Variants in EGLN1 observed in about 807,000 individuals in gnomAD.
EGLN1 encodes egl nine homolog 1.
Under a neutral mutation model 38.3 loss-of-function variants are expected in EGLN1, and 17 were observed. The observed-to-expected ratio is 0.44, with a 90% CI of 0.30 to 0.67. The LOEUF is 0.67. Among genes scored for constraint, EGLN1 ranks in the 30% least tolerant of loss-of-function variants. The pLI is 0.08. For synonymous variants in EGLN1, 283 were observed against 257.5 expected (o/e 1.10, Z -0.95); for missense variants, 477 against 603.3 (o/e 0.79, Z 2.19).
rs964497999 is a variant in EGLN1, at chr1:231,366,003, A to G, written c.*408T>C. The G allele has an allele frequency of 1.0e-5, 2 of 195,592 alleles. No homozygotes were observed. Among genetic ancestry groups the G allele is most frequent in the Non-Finnish European group, 2.1e-5 (2 of 94,262 alleles). The allele number at this position is 195,592 out of a possible 1,614,324, so 12.1% of individuals were successfully genotyped here. A position where few individuals can be genotyped will look rare whatever the true frequency, so the allele number is the denominator to read the frequency against. On this transcript the variant is annotated 3_prime_UTR_variant, in exon 5 of 5. Transcript: ENST00000366641. The stretch of plus-strand genomic sequence containing the variant: ...GGAATAATACTGTAATTTTTTCTCA[A>G]TTCAGTTTAGATAAATTGTACCTAA...
chr1:231,408,946 G>A (rs1688860037), intron 1 of EGLN1, among the ~76,000 whole-genome samples: 1 of 152,010 alleles, frequency 6.6e-6, no homozygotes, highest in African/African-American at 2.4e-5. Context: ...GGAACAGAAA[G>A]TATATGGTAG....
chr1:231,421,143 T>C lies in EGLN1; in HGVS notation c.746A>G (p.Lys249Arg), dbSNP rs752975669. 5 of 1,614,202 alleles carry C rather than the reference T, an allele frequency of 3.1e-6. No homozygotes were observed. Among genetic ancestry groups the C allele is most frequent in the East Asian group, 4.5e-5 (2 of 44,868 alleles). ...QLVSQKSDSS[K>R]DIRGDKITWI... ...GGTGATCTTATCGCCTCGGATGTCC[T>C]TGGACGAGTCACTCTTCTGGCTGAC... The change falls in exon 1 of 5, where the codon AAG becomes AGG. Residue 249 changes from lysine (K) to arginine (R), a missense_variant. Transcript: ENST00000366641. The surrounding 1 kb of genome is among the most constrained non-coding windows in gnomAD (Gnocchi z 5.5).
chr1:231,422,072 AAGCTCCGGCGC>A lies in EGLN1; in HGVS notation c.-195_-185del, dbSNP rs1193644184. ...CTCGGCCCGGCCGCTTCCGAGTCCT[AAGCTCCGGCGC>A]AGCGCCGGCAGCCGCCTCAGCGCCT... On this transcript the variant is annotated 5_prime_UTR_variant, in exon 1 of 5. Transcript: ENST00000366641. 1 of 531,470 alleles carries A rather than the reference AAGCTCCGGCGC, an allele frequency of 1.9e-6. No individual in the cohort carries two copies. The highest frequency in any genetic ancestry group is 2.0e-5 in the African/African-American group (1 of 49,282). The allele number at this position is 531,470 out of a possible 1,614,324, so 32.9% of individuals were successfully genotyped here. A position where few individuals can be genotyped will look rare whatever the true frequency, so the allele number is the denominator to read the frequency against.
At chr1:231,409,016 A>AG (rs139596905) in intron 1 of EGLN1, among the ~76,000 whole-genome samples, 1 of 110,808 alleles carries the variant, frequency 9.0e-6, no homozygotes, top group African/African-American at 4.2e-5. Context: ...ATACAAAAAG[A>AG]AAAAAAACAA....
chr1:231,384,767 T>C (rs999840394), intron 1 of EGLN1, among the ~76,000 whole-genome samples: 1 of 152,250 alleles, frequency 6.6e-6, no homozygotes, highest in African/African-American at 2.4e-5. Context: ...CACAGCCCAC[T>C]GCCTGTTTTT....
intron 1 of EGLN1, among the ~76,000 whole-genome samples, chr1:231,399,991 T>C (rs866396804): frequency 5.3e-5 from 8 of 152,168 alleles, no homozygotes; most frequent in South Asian, 2.1e-4. Flanking sequence ...TAAAGACAGA[T>C]AGTATCATCT....
chr1:231,374,612 G>A (rs1267455641), intron 1 of EGLN1, among the ~76,000 whole-genome samples: 1 of 151,772 alleles, frequency 6.6e-6, no homozygotes, highest in Non-Finnish European at 1.5e-5. Flanking sequence ...CAACCTCCTG[G>A]GCTCAGGTGA....
intron 1 of EGLN1, among the ~76,000 whole-genome samples, chr1:231,401,776 T>C (rs1164571966): frequency 6.6e-6 from 1 of 152,176 alleles, no homozygotes; most frequent in African/African-American, 2.4e-5. Flanking sequence ...TGAATAAAAA[T>C]ATTCAAGTCT....
chr1:231,413,220 C>T (rs1177892148), intron 1 of EGLN1, among the ~76,000 whole-genome samples: 2 of 152,048 alleles, frequency 1.3e-5, no homozygotes, highest in Non-Finnish European at 2.9e-5. Flanking sequence ...GGACTACAGG[C>T]GGATGTCATC....
intron 1 of EGLN1, among the ~76,000 whole-genome samples, chr1:231,377,778 G>C (rs539698637): frequency 5.3e-5 from 8 of 152,138 alleles, no homozygotes; most frequent in African/African-American, 1.9e-4. Context: ...AATTGGGAAT[G>C]AAGTGATATG....
chr1:231,403,410 A>G (rs1252592347), intron 1 of EGLN1, among the ~76,000 whole-genome samples: 1 of 152,084 alleles, frequency 6.6e-6, no homozygotes, highest in African/African-American at 2.4e-5. Flanking sequence ...GGAGCACTGT[A>G]TTATTTTTAT....
intron 1 of EGLN1, 88 bp downstream of exon 1, chr1:231,420,910 T>G: frequency 1.2e-6 from 2 of 1,611,334 alleles, no homozygotes; most frequent in Non-Finnish European, 1.7e-6. Context: ...AGAGGAATGC[T>G]GCTTCTCAGC....
chr1:231,386,475 C>A (rs1479877579), intron 1 of EGLN1, among the ~76,000 whole-genome samples: 4 of 152,356 alleles, frequency 2.6e-5, no homozygotes, highest in Admixed American at 1.3e-4. Context: ...TTTCATCTAA[C>A]ATTAACCTCA....
intron 1 of EGLN1, among the ~76,000 whole-genome samples, chr1:231,402,772 A>G (rs983863289): frequency 6.6e-6 from 1 of 151,934 alleles, no homozygotes; most frequent in African/African-American, 2.4e-5. Context: ...ATTTTGAATT[A>G]ATTTTTATAA....
At chr1:231,390,315 A>G (rs969829347) in intron 1 of EGLN1, among the ~76,000 whole-genome samples, 1 of 152,210 alleles carries the variant, frequency 6.6e-6, no homozygotes, top group Non-Finnish European at 1.5e-5. Context: ...TATGAATCAA[A>G]TAAGACAATA....
At chr1:231,403,785 A>T (rs1688720670) in intron 1 of EGLN1, among the ~76,000 whole-genome samples, 1 of 150,634 alleles carries the variant, frequency 6.6e-6, no homozygotes, top group South Asian at 2.1e-4. Flanking sequence ...AAAAAAAAAA[A>T]AAAAAAAGAT....
intron 1 of EGLN1, among the ~76,000 whole-genome samples, chr1:231,396,862 C>G (rs1410619938): frequency 6.6e-6 from 1 of 152,200 alleles, no homozygotes; most frequent in Admixed American, 6.5e-5. Context: ...TCATCCTTCT[C>G]CATTTCCCTT....
At chr1:231,382,185 G>A (rs1342834239) in intron 1 of EGLN1, among the ~76,000 whole-genome samples, 2 of 152,216 alleles carry the variant, frequency 1.3e-5, no homozygotes, top group African/African-American at 4.8e-5. Context: ...CACTAGGCAT[G>A]AGGATACAGA....
intron 1 of EGLN1, among the ~76,000 whole-genome samples, chr1:231,415,535 G>A (rs1434545055): frequency 6.6e-6 from 1 of 152,172 alleles, no homozygotes; most frequent in Non-Finnish European, 1.5e-5. Context: ...CCAGTTTATC[G>A]GAGGGGAATG....
Sources: gnomAD v4.1 joint callset for allele counts (sites outside exome capture counted in the v4.1 genomes callset) on GRCh38, gnomAD v4.1.1 for gene constraint, Gnocchi (gnomAD v3.1) non-coding constraint, MANE v1.5 for transcripts, NCBI Gene and HGNC (gene_info 2026-07-23, HGNC 2026-07-21) for gene names.